Variants in UBE2E2 observed in about 807,000 individuals in gnomAD.
UBE2E2 encodes ubiquitin-conjugating enzyme E2 E2.
In UBE2E2, 6 loss-of-function variants were observed where a neutral mutation model predicts 24.7. The observed-to-expected ratio is 0.24, with a 90% confidence interval of 0.13 to 0.48. The LOEUF is 0.48. UBE2E2 is among the 20% of genes least tolerant of loss of function. UBE2E2 has a pLI of 0.99. For synonymous variants in UBE2E2, 104 were observed against 83.6 expected, an observed-to-expected ratio of 1.24 and a Z score of -1.33; for missense variants, 169 against 245.0, an observed-to-expected ratio of 0.69 and a Z score of 2.07.
rs1698834983 is a variant in UBE2E2 at position 23,462,810 on chromosome 3, CTG to C, written c.228-36796_228-36795del. Reference sequence around the variant, plus strand: ...ACAGTTCTTTTACGTCAGGGGGTAACTGTAACCATCAGGGGCTCTGGAACCCC... The same window carrying C: ...ACAGTTCTTTTACGTCAGGGGGTAACTAACCATCAGGGGCTCTGGAACCCC... On this transcript the variant is annotated intron_variant, in intron 3 of 5. Transcript: ENST00000396703. Among the ~76,000 whole-genome samples, 8 of 152,270 alleles carry C rather than the reference CTG, an allele frequency of 5.3e-5. 1 individual carries two copies. The South Asian group carries it at 1.5e-3, about 28-fold the overall frequency.
chr3:23,387,937 A>G (rs2125357772), intron 3 of UBE2E2, among the ~76,000 whole-genome samples: 1 of 152,318 alleles, frequency 6.6e-6, no homozygotes, highest in South Asian at 2.1e-4. Context: ...ACATACTGCA[A>G]AATTACAGAA....
intron 4 of UBE2E2, among the ~76,000 whole-genome samples, chr3:23,504,075 C>G (rs1694373860): frequency 6.6e-6 from 1 of 152,088 alleles, no homozygotes; most frequent in African/African-American, 2.4e-5. Context: ...TGTTTTAAGA[C>G]TTTTGTTTCC....
chr3:23,570,009 T>C (rs1420099986), intron 5 of UBE2E2, among the ~76,000 whole-genome samples: 2 of 152,214 alleles, frequency 1.3e-5, no homozygotes, highest in Non-Finnish European at 2.9e-5. Context: ...CTAGCAGATC[T>C]TTTAGCACTC....
At chr3:23,366,373 A>T (rs763243085) in intron 3 of UBE2E2, among the ~76,000 whole-genome samples, 3 of 152,214 alleles carry the variant, frequency 2.0e-5, no homozygotes, top group Non-Finnish European at 2.9e-5. Context: ...TCATCACAGC[A>T]CTATTCACGA....
intron 3 of UBE2E2, among the ~76,000 whole-genome samples, chr3:23,492,486 A>T (rs1350954524): frequency 2.0e-5 from 3 of 152,156 alleles, no homozygotes; most frequent in African/African-American, 7.2e-5. Context: ...AGAGAATTTC[A>T]CTGGGTTGTA....
In UBE2E2 at chr3:23,407,201, C is replaced by G. The variant is rs1697376034; in HGVS notation, c.228-92407C>G. 6.6e-6 allele frequency among the ~76,000 whole-genome samples: 1 copy of G among 152,036 alleles called. No individual in the cohort carries two copies. The highest frequency in any genetic ancestry group is 1.5e-5 in the Non-Finnish European group (1 of 67,996). On this transcript the variant is annotated intron_variant, in intron 3 of 5. Transcript: ENST00000396703. The surrounding 1 kb of genome is among the most constrained non-coding windows in gnomAD (Gnocchi z 4.0). ...AGAATGGCCTGGAAAAAAAAAAGGT[C>G]TTGACCACTGTGCAGGTGAGCATCA...
intron 5 of UBE2E2, among the ~76,000 whole-genome samples, chr3:23,584,190 G>C (rs774877185): frequency 6.6e-6 from 1 of 152,090 alleles, no homozygotes; most frequent in Non-Finnish European, 1.5e-5. Context: ...TTTTTTGTTT[G>C]CGTTGTTTAT....
At chr3:23,303,105 C>A (rs781265040) in intron 3 of UBE2E2, among the ~76,000 whole-genome samples, 1 of 152,032 alleles carries the variant, frequency 6.6e-6, no homozygotes, top group Non-Finnish European at 1.5e-5. Flanking sequence ...CTCATAGGAG[C>A]GCAAACTTTA....
chr3:23,467,457 C>G (rs561604665), intron 3 of UBE2E2, among the ~76,000 whole-genome samples: 1 of 152,182 alleles, frequency 6.6e-6, no homozygotes, highest in Admixed American at 6.5e-5. Flanking sequence ...TCTCACTGCT[C>G]TATGACTTTG....
chr3:23,507,013 A>G (rs1207830629), intron 4 of UBE2E2, among the ~76,000 whole-genome samples: 1 of 152,208 alleles, frequency 6.6e-6, no homozygotes, highest in Non-Finnish European at 1.5e-5. Context: ...CCTGAATAAA[A>G]GCCTATAAAG....
chr3:23,313,955 C>T (rs1223649037), intron 3 of UBE2E2, among the ~76,000 whole-genome samples: 2 of 152,094 alleles, frequency 1.3e-5, no homozygotes, highest in Non-Finnish European at 2.9e-5. Flanking sequence ...TACCATGAGG[C>T]TTGTAAATAA....
chr3:23,301,467 A>G (rs1210161712), intron 3 of UBE2E2, among the ~76,000 whole-genome samples: 1 of 152,102 alleles, frequency 6.6e-6, no homozygotes, highest in Non-Finnish European at 1.5e-5. Flanking sequence ...TTTGGTGTGG[A>G]TGTCCTTTCT....
In UBE2E2 at chr3:23,217,422, A is replaced by G. The variant is rs1048834683; in HGVS notation, c.227+110A>G. 4 of 1,005,362 alleles carry G rather than the reference A, an allele frequency of 4.0e-6. No homozygotes were observed. In the Admixed American group the frequency reaches 8.1e-5, roughly 20 times the overall value. 62.3% of individuals were successfully genotyped at this position (1,005,362 alleles called of 1,614,324 possible). A position where few individuals can be genotyped will look rare whatever the true frequency, so the allele number is the denominator to read the frequency against. Reference sequence around the variant, plus strand: ...AGTCTGATTAATTAGTAAAAACATCATTGTTGTTTGAACTTAAGTGACTGT... The same window carrying G: ...AGTCTGATTAATTAGTAAAAACATCGTTGTTGTTTGAACTTAAGTGACTGT... On this transcript the variant is annotated intron_variant, in intron 3 of 5. Transcript: ENST00000396703.
intron 3 of UBE2E2, among the ~76,000 whole-genome samples, chr3:23,487,578 C>T (rs778516): frequency 0.25 from 37,689 of 152,120 alleles, 5,053 homozygotes; most frequent in African/African-American, 0.36. Context: ...ATGAGCCAGG[C>T]ACTGTTCTAG....
intron 3 of UBE2E2, among the ~76,000 whole-genome samples, chr3:23,459,424 A>G (rs1388239468): frequency 6.6e-6 from 1 of 152,252 alleles, no homozygotes; most frequent in Non-Finnish European, 1.5e-5. Flanking sequence ...AACAGTTATT[A>G]AAAACTGCTT....
At chr3:23,291,789 T>G (rs1419445126) in intron 3 of UBE2E2, among the ~76,000 whole-genome samples, 1 of 148,678 alleles carries the variant, frequency 6.7e-6, no homozygotes, top group African/African-American at 2.5e-5. Flanking sequence ...TTCAAGCAAT[T>G]CTCTCACCTC....
chr3:23,299,734 G>A (rs1160731628), intron 3 of UBE2E2, among the ~76,000 whole-genome samples: 2 of 152,246 alleles, frequency 1.3e-5, no homozygotes, highest in Non-Finnish European at 2.9e-5. Context: ...TAGGTGTGGT[G>A]TGGTGCTGAA....
intron 3 of UBE2E2, among the ~76,000 whole-genome samples, chr3:23,235,345 G>A (rs1017585328): frequency 2.0e-5 from 3 of 152,082 alleles, no homozygotes; most frequent in Non-Finnish European, 4.4e-5. Flanking sequence ...AAGGTGTGGG[G>A]GACCATTAGT....
At chr3:23,450,775 T>C (rs1329448491) in intron 3 of UBE2E2, among the ~76,000 whole-genome samples, 9 of 152,306 alleles carry the variant, frequency 5.9e-5, no homozygotes, top group Non-Finnish European at 1.2e-4. Flanking sequence ...AACTTTTTCA[T>C]TTTATTTCTT....
Sources: gnomAD v4.1 joint callset for allele counts (sites outside exome capture counted in the v4.1 genomes callset) on GRCh38, gnomAD v4.1.1 for gene constraint, Gnocchi (gnomAD v3.1) non-coding constraint, MANE v1.5 for transcripts, NCBI Gene and HGNC (gene_info 2026-07-23, HGNC 2026-07-21) for gene names.